The following WNK1 variants were observed in gnomAD, a reference collection of about 807,000 sequenced individuals.
WNK1 encodes WNK lysine deficient protein kinase 1, also known as serine/threonine-protein kinase WNK1.
A neutral mutation model predicts 222.8 loss-of-function variants in WNK1; 38 were observed. The observed-to-expected ratio is 0.17, with a 90% CI of 0.13 to 0.22. The LOEUF is 0.22. Ranked by LOEUF, WNK1 falls within the 10% of genes least tolerant of loss-of-function variation. The pLI is 1.00. For missense variants in WNK1, 2,348 were observed against 2,918.4 expected, an observed-to-expected ratio of 0.80 and a Z score of 4.50; for synonymous variants, 1,090 against 1,092.9, an observed-to-expected ratio of 1.00 and a Z score of 0.05.
chr12:861,067 A>G lies in WNK1; in HGVS notation c.1675A>G (p.Lys559Glu). The G allele has an allele frequency of 6.2e-7, 1 of 1,614,076 alleles. No homozygotes were observed. The highest frequency in any genetic ancestry group is 8.5e-7 in the Non-Finnish European group (1 of 1,180,002). Residue 559 changes from lysine to glutamate, a missense_variant, in exon 7 of 28, where the codon AAA becomes GAA. Lys to Glu is a moderately conservative substitution (Grantham distance 56). Coordinates refer to ENST00000315939, the MANE Select transcript of WNK1 (RefSeq NM_018979.4). The stretch of plus-strand genomic sequence containing the variant: ...TCACAAGACCATGGCTAAAGCTATC[A>G]AAGACAGAGTATCATTAATTAAGAG... ...GDHKTMAKAI[K>E]DRVSLIKRKR... is the part of the protein sequence containing the mutation.
At chr12:888,647 A>C (rs1229006537) in intron 20 of WNK1, among the ~76,000 whole-genome samples, 1 of 152,226 alleles carries the variant, frequency 6.6e-6, no homozygotes, top group Non-Finnish European at 1.5e-5. Flanking sequence ...TGTAGGGAAG[A>C]AGTATACATG....
At chr12:848,496 C>CTTTTTTTTTTTTT (rs10644583) in intron 4 of WNK1, among the ~76,000 whole-genome samples, 19 of 99,258 alleles carry the variant, frequency 1.9e-4, no homozygotes, top group South Asian at 3.8e-4. Context: ...CCAGTAAAAA[C>CTTTTTTTTTTTTT]TTTTTTTTTT....
intron 4 of WNK1, among the ~76,000 whole-genome samples, chr12:848,740 C>G (rs1197266832): frequency 6.6e-6 from 1 of 152,016 alleles, no homozygotes; most frequent in East Asian, 1.9e-4. Flanking sequence ...CAGAGAAAGG[C>G]ACTGACTTTG....
chr12:799,026 T>C (rs1945616652), intron 1 of WNK1, among the ~76,000 whole-genome samples: 1 of 152,200 alleles, frequency 6.6e-6, no homozygotes. Context: ...TATATTTATA[T>C]GTTGGAATTC....
At chr12:894,956 G>A (rs527308861) in intron 23 of WNK1, among the ~76,000 whole-genome samples, 1 of 152,050 alleles carries the variant, frequency 6.6e-6, no homozygotes, top group Non-Finnish European at 1.5e-5. Context: ...CATTTCTCCT[G>A]TTCCAAATGT....
chr12:900,752 T>A, intron 26 of WNK1, 82 bp downstream of exon 26: 5 of 1,550,408 alleles, frequency 3.2e-6, no homozygotes, highest in Non-Finnish European at 4.4e-6. Flanking sequence ...TAAGGCGGGT[T>A]GGGAGACTAG....
rs1955985408 is a variant in WNK1, at chr12:910,191, T to C, written c.*1399T>C. Reference sequence around the variant, plus strand: ...AGTGAAAAGTCACAGATGGAGAAAATTGCTCTCAGAAAAACTGTTTGGATT... The same window carrying C: ...AGTGAAAAGTCACAGATGGAGAAAACTGCTCTCAGAAAAACTGTTTGGATT... On this transcript the variant is annotated 3_prime_UTR_variant, in exon 28 of 28. Coordinates refer to ENST00000315939, the MANE Select transcript of WNK1 (RefSeq NM_018979.4). 2 of 152,106 alleles carry C rather than the reference T, an allele frequency of 1.3e-5. No homozygotes were observed. The highest frequency in any genetic ancestry group is 4.8e-5 in the African/African-American group (2 of 41,404). The allele number at this position is 152,106 out of a possible 1,614,324, so 9.4% of individuals were successfully genotyped here. A position where few individuals can be genotyped will look rare whatever the true frequency, so the allele number is the denominator to read the frequency against.
intron 1 of WNK1, among the ~76,000 whole-genome samples, chr12:776,173 A>C (rs544007085): frequency 6.6e-6 from 1 of 151,838 alleles, no homozygotes; most frequent in South Asian, 2.1e-4. Flanking sequence ...AGCTGGGACT[A>C]CAGGCATGTA....
At chr12:808,607 T>C (rs989569152) in intron 1 of WNK1, among the ~76,000 whole-genome samples, 2 of 152,160 alleles carry the variant, frequency 1.3e-5, no homozygotes, top group African/African-American at 4.8e-5. Context: ...GAATCCCATG[T>C]GGCTTTTGTG....
At position 765,169 on chromosome 12, in the gene WNK1, T is replaced by G. The variant is rs941571979; in HGVS notation, c.759+10845T>G. Among the ~76,000 whole-genome samples, 47 of 147,990 alleles carry G rather than the reference T, an allele frequency of 3.2e-4. 6 individuals are homozygous for G. Among genetic ancestry groups the G allele is most frequent in the Non-Finnish European group, 2.1e-4 (14 of 66,230 alleles). On this transcript the variant is annotated intron_variant, in intron 1 of 27. Coordinates refer to ENST00000315939, the MANE Select transcript of WNK1 (RefSeq NM_018979.4). Reference sequence around the variant, plus strand: ...TAAATTTAAATAAATTAAAATGAAATTTTTAGAACTTCATTGTCTTGTACT... The same window carrying G: ...TAAATTTAAATAAATTAAAATGAAAGTTTTAGAACTTCATTGTCTTGTACT...
At chr12:895,016 C>G (rs1319576494) in intron 23 of WNK1, among the ~76,000 whole-genome samples, 1 of 151,226 alleles carries the variant, frequency 6.6e-6, no homozygotes, top group African/African-American at 2.4e-5. Flanking sequence ...CAGTCTCTAT[C>G]ATCATTTCTC....
intron 1 of WNK1, among the ~76,000 whole-genome samples, chr12:785,901 C>G (rs1944259495): frequency 6.6e-6 from 1 of 152,014 alleles, no homozygotes; most frequent in African/African-American, 2.4e-5. Context: ...GATTGTGGGC[C>G]CCAGTATAAT....
chr12:895,683 T>C (rs968011116), intron 23 of WNK1, among the ~76,000 whole-genome samples: 1 of 152,132 alleles, frequency 6.6e-6, no homozygotes, highest in Non-Finnish European at 1.5e-5. Context: ...GATCTGAAAC[T>C]CCTGACCTCA....
At position 896,185 on chromosome 12, in the gene WNK1, C is replaced by T; in HGVS notation, c.5698C>T (p.Pro1900Ser). 2 of 1,614,148 alleles carry T rather than the reference C, an allele frequency of 1.2e-6. No individual in the cohort carries two copies. The highest frequency in any genetic ancestry group is 8.5e-7 in the Non-Finnish European group (1 of 1,180,042). Residue 1900 changes from proline (P) to serine (S), a missense_variant, in exon 24 of 28, where the codon CCA (proline) becomes TCA (serine). Coordinates refer to ENST00000315939, the MANE Select transcript of WNK1 (RefSeq NM_018979.4). Reference protein sequence around the residue: ...SESSVLSSSSPESTLVKPEPN... With the variant: ...SESSVLSSSSSESTLVKPEPN... ...GTCCTCAGTGCTATCAAGTAGTAGT[C>T]CAGAGAGTACCTTGGTGAAACCAGA... is the stretch of plus-strand genomic sequence containing the variant.
intron 1 of WNK1, among the ~76,000 whole-genome samples, chr12:768,416 G>A (rs1241633569): frequency 1.1e-4 from 17 of 152,058 alleles, no homozygotes; most frequent in African/African-American, 3.6e-4. Flanking sequence ...GATTACAGGC[G>A]TGAGCTACCA....
intron 1 of WNK1, among the ~76,000 whole-genome samples, chr12:757,318 T>TTC (rs1940212666): frequency 1.0e-5 from 1 of 96,452 alleles, no homozygotes; most frequent in Non-Finnish European, 2.3e-5. Context: ...TCTTTTTTTT[T>TTC]TTTTTTTTTT....
chr12:753,625 G>A lies in WNK1; in HGVS notation c.60G>A (p.Pro20=), dbSNP rs72647368. The A allele has an allele frequency of 1.5e-5, 24 of 1,612,650 alleles. No individual in the cohort carries two copies. The African/African-American group carries it at 2.1e-4, about 14-fold the overall frequency. The change falls in exon 1 of 28, where the codon CCG becomes CCA. Residue 20 remains proline (P), a synonymous_variant. Transcript: ENST00000315939. This position sits in a 1 kb window ranked among gnomAD's most constrained non-coding sequence, Gnocchi z 5.2. The part of the protein sequence containing the change: ...SSTPGSLFLS[P]PAPAPKNGSS... ...CTCCCGGTTCCCTGTTCCTCTCGCC[G>A]CCGGCTCCTGCCCCCAAGAATGGCT...
intron 20 of WNK1, among the ~76,000 whole-genome samples, chr12:887,919 A>T (rs1413796904): frequency 3.0e-5 from 2 of 66,950 alleles, no homozygotes; most frequent in Non-Finnish European, 5.6e-5. Context: ...CAGCCTCATG[A>T]ACTTGAGATT....
intron 1 of WNK1, among the ~76,000 whole-genome samples, chr12:794,743 T>C (rs1374821646): frequency 1.3e-5 from 2 of 152,164 alleles, no homozygotes; most frequent in South Asian, 4.1e-4. Context: ...AATATTCTTC[T>C]TTTAAAATAT....
Sources: gnomAD v4.1 joint callset for allele counts (sites outside exome capture counted in the v4.1 genomes callset) on GRCh38, gnomAD v4.1.1 for gene constraint, Gnocchi (gnomAD v3.1) non-coding constraint, MANE v1.5 for transcripts, NCBI Gene and HGNC (gene_info 2026-07-23, HGNC 2026-07-21) for gene names.